Variants in ABAT observed in about 807,000 individuals in gnomAD.
ABAT encodes 4-aminobutyrate aminotransferase, also known as 4-aminobutyrate aminotransferase, mitochondrial.
In ABAT, 45 loss-of-function variants were observed where a neutral mutation model predicts 64.6. That is an observed-to-expected ratio of 0.70 (90% CI 0.55 to 0.89). ABAT has a LOEUF of 0.89. ABAT is among the 40% of genes least tolerant of loss of function. The probability of loss-of-function intolerance (pLI) is 0.00; values close to 1 mark genes in which losing one functional copy is unlikely to be tolerated. For synonymous variants in ABAT, 297 were observed against 250.5 expected (o/e 1.19, Z -1.75); for missense variants, 633 against 658.4 (o/e 0.96, Z 0.42).
chr16:8,712,957 AC>A (rs1312772025), intron 1 of ABAT: 2 of 142,862 alleles, frequency 1.4e-5, no homozygotes, highest in Non-Finnish European at 3.1e-5. Context: ...CCAACCCCAT[AC>A]CCCCTCCCCA....
chr16:8,680,198 T>A (rs1376811801), intron 1 of ABAT, among the ~76,000 whole-genome samples: 1 of 152,064 alleles, frequency 6.6e-6, no homozygotes, highest in Non-Finnish European at 1.5e-5. Context: ...CATCACATCC[T>A]AGATTTCTTG....
At chr16:8,725,624 T>G (rs2058527974) in intron 1 of ABAT, among the ~76,000 whole-genome samples, 1 of 152,232 alleles carries the variant, frequency 6.6e-6, no homozygotes, top group East Asian at 1.9e-4. Flanking sequence ...CATCCACTGA[T>G]CGACATCTGG....
chr16:8,751,197 C>T (rs2059471114), intron 5 of ABAT, among the ~76,000 whole-genome samples: 2 of 152,126 alleles, frequency 1.3e-5, no homozygotes, highest in Admixed American at 1.3e-4. Flanking sequence ...GATCTGCCTG[C>T]CTCAGCCTCC....
chr16:8,735,729 C>T lies in ABAT; in HGVS notation c.-11C>T. 18 of 1,597,296 alleles carry T rather than the reference C, an allele frequency of 1.1e-5. No individual in the cohort carries two copies. The highest frequency in any genetic ancestry group is 1.5e-5 in the Non-Finnish European group (18 of 1,171,664). ...CAGCACGCAAAGGGTGTCCCTGTCCCTCAAGGGGTCATGGCCTCCATGTTG... is the reference window on the plus strand; with the variant it reads ...CAGCACGCAAAGGGTGTCCCTGTCCTTCAAGGGGTCATGGCCTCCATGTTG... On this transcript the variant is annotated 5_prime_UTR_variant, in exon 2 of 16. Coordinates refer to ENST00000268251, the MANE Select transcript of ABAT (RefSeq NM_020686.6).
chr16:8,715,164 A>T (rs1009665712), intron 1 of ABAT: 1 of 152,200 alleles, frequency 6.6e-6, no homozygotes, highest in Non-Finnish European at 1.5e-5. Flanking sequence ...AAGACTATTC[A>T]CGCAACTACA....
Position 8,781,906 on chromosome 16 carries a change from T to C in ABAT, c.*476T>C, listed in dbSNP as rs1731071. The C allele has an allele frequency of 0.36, 110,723 of 305,296 alleles. 20,528 individuals are homozygous for C. Among genetic ancestry groups the C allele is most frequent in the African/African-American group, 0.45 (20,636 of 46,136 alleles). 18.9% of individuals were successfully genotyped at this position (305,296 alleles called of 1,614,324 possible). On this transcript the variant is annotated 3_prime_UTR_variant, in exon 16 of 16. Coordinates refer to ENST00000268251, the MANE Select transcript of ABAT (RefSeq NM_020686.6). The surrounding 1 kb of genome is among the most constrained non-coding windows in gnomAD (Gnocchi z 4.5). ...CACACTCTCACCTCCTCTCCCAGCC[T>C]CCCGGAGCTCTGAGCACGCCCCACG...
intron 1 of ABAT, among the ~76,000 whole-genome samples, chr16:8,675,496 C>G (rs1487124884): frequency 1.3e-5 from 2 of 152,076 alleles, no homozygotes; most frequent in Non-Finnish European, 2.9e-5. Flanking sequence ...CCCCCTGCAC[C>G]ATCCTCCCAC....
At chr16:8,752,960 G>T (rs999870533) in intron 5 of ABAT, among the ~76,000 whole-genome samples, 2 of 152,128 alleles carry the variant, frequency 1.3e-5, no homozygotes, top group Non-Finnish European at 2.9e-5. Context: ...TTGGAGTAGG[G>T]TCTTCTAACA....
At chr16:8,780,135 G>T (rs2060390149) in intron 15 of ABAT, among the ~76,000 whole-genome samples, 1 of 152,060 alleles carries the variant, frequency 6.6e-6, no homozygotes, top group Non-Finnish European at 1.5e-5. Context: ...GCCTGAGGTG[G>T]GATGGAGCTT....
chr16:8,730,642 C>T (rs931899717), intron 1 of ABAT, among the ~76,000 whole-genome samples: 19 of 152,162 alleles, frequency 1.2e-4, no homozygotes, highest in Non-Finnish European at 1.9e-4. Context: ...GCCTCTTGGT[C>T]TTCATCCAGG....
At chr16:8,697,126 T>C in intron 1 of ABAT, among the ~76,000 whole-genome samples, 1 of 152,152 alleles carries the variant, frequency 6.6e-6, no homozygotes, top group East Asian at 1.9e-4. Context: ...TACTTTAAGT[T>C]GGGGTCAAGG....
chr16:8,759,942 C>T (rs934304543), intron 6 of ABAT, among the ~76,000 whole-genome samples: 2 of 152,160 alleles, frequency 1.3e-5, no homozygotes, highest in African/African-American at 4.8e-5. Context: ...CTGGGTGATT[C>T]CTCCTGGTGT....
chr16:8,758,491 G>T (rs2059706186), intron 6 of ABAT, among the ~76,000 whole-genome samples: 1 of 152,154 alleles, frequency 6.6e-6, no homozygotes, highest in South Asian at 2.1e-4. Flanking sequence ...AGGAGGACTG[G>T]AGTAGCAGCA....
intron 4 of ABAT, among the ~76,000 whole-genome samples, 184 bp from the exon 5 acceptor site, chr16:8,750,238 A>G (rs1369087989): frequency 6.6e-6 from 1 of 152,242 alleles, no homozygotes; most frequent in Non-Finnish European, 1.5e-5. Context: ...TTACTGAACT[A>G]TTATAAAGCA....
At chr16:8,694,815 T>G (rs2057665660) in intron 1 of ABAT, among the ~76,000 whole-genome samples, 1 of 152,160 alleles carries the variant, frequency 6.6e-6, no homozygotes, top group Non-Finnish European at 1.5e-5. Flanking sequence ...TGGAGTAACT[T>G]TAGGTGTCTG....
intron 11 of ABAT, among the ~76,000 whole-genome samples, chr16:8,769,665 C>T (rs1418470850): frequency 6.6e-6 from 1 of 151,818 alleles, no homozygotes; most frequent in African/African-American, 2.4e-5. Flanking sequence ...TTTGTCTTCT[C>T]CTGAGTCTTG....
At position 8,779,598 on chromosome 16, in the gene ABAT, G is replaced by T; in HGVS notation, c.1381+8G>T. On this transcript the variant is annotated splice_region_variant and intron_variant, in intron 15 of 15. Coordinates refer to ENST00000268251, the MANE Select transcript of ABAT (RefSeq NM_020686.6). ...TAATTGCCAGAAACAAAGGTAAGGG[G>T]TCAGGAGTGGCTGCTGAGTTTCATG... The T allele has an allele frequency of 6.2e-7, 1 of 1,609,832 alleles. No individual in the cohort carries two copies. The highest frequency in any genetic ancestry group is 8.5e-7 in the Non-Finnish European group (1 of 1,176,676).
chr16:8,708,606 A>G lies in ABAT; in HGVS notation c.-41-27093A>G, dbSNP rs1361624191. ...GTGAGCCAGCGCACCTGGCCAATCA[A>G]ATTCTTTAAAATTAAGTGCCACAAG... On this transcript the variant is annotated intron_variant, in intron 1 of 15. Coordinates refer to ENST00000268251, the MANE Select transcript of ABAT (RefSeq NM_020686.6). Among the ~76,000 whole-genome samples, 4 of 152,164 alleles carry G rather than the reference A, an allele frequency of 2.6e-5. No individual in the cohort carries two copies. The South Asian group carries it at 6.2e-4, about 24-fold the overall frequency.
chr16:8,728,983 C>A (rs4984997), intron 1 of ABAT, among the ~76,000 whole-genome samples: 1 of 152,080 alleles, frequency 6.6e-6, no homozygotes, highest in Non-Finnish European at 1.5e-5. Flanking sequence ...CTGTGAACTA[C>A]GTCATTTTTA....
Sources: allele counts gnomAD v4.1 joint callset (sites outside exome capture counted in the v4.1 genomes callset), GRCh38; gene constraint gnomAD v4.1.1; non-coding constraint Gnocchi (gnomAD v3.1); transcripts MANE v1.5; gene names NCBI Gene and HGNC (gene_info 2026-07-23, HGNC 2026-07-21).